The following FOXP2 variants were observed in gnomAD, a reference collection of about 807,000 sequenced individuals.
FOXP2 encodes the protein forkhead box protein P2.
A neutral mutation model predicts 115.8 loss-of-function variants in FOXP2; 12 were observed. That is an observed-to-expected ratio of 0.10 (90% CI 0.07 to 0.17). The LOEUF is 0.17. FOXP2 is among the 10% of genes least tolerant of loss of function. The probability of loss-of-function intolerance (pLI) is 1.00; values close to 1 mark genes in which losing one functional copy is unlikely to be tolerated. For missense variants in FOXP2, 629 were observed against 843.5 expected (o/e 0.75, Z 3.15); for synonymous variants, 328 against 297.7 (o/e 1.10, Z -1.05).
chr7:114,638,808 T>G (rs1805366466), intron 6 of FOXP2, among the ~76,000 whole-genome samples: 1 of 152,190 alleles, frequency 6.6e-6, no homozygotes, highest in Admixed American at 6.5e-5. Context: ...GAGGATCCAC[T>G]GCCGCTAAAA....
intron 2 of FOXP2, among the ~76,000 whole-genome samples, chr7:114,469,214 G>T (rs930000980): frequency 6.6e-5 from 10 of 151,948 alleles, no homozygotes; most frequent in Admixed American, 5.2e-4. Context: ...GAGTGTATGT[G>T]TACATATATA....
intron 1 of FOXP2, among the ~76,000 whole-genome samples, chr7:114,194,923 A>G (rs1375877034): frequency 6.6e-6 from 1 of 152,148 alleles, no homozygotes; most frequent in Non-Finnish European, 1.5e-5. Context: ...CTTTTGCAAA[A>G]TTGCTTTATG....
At chr7:114,303,148 CAATTTTG>C (rs1405532652) in intron 2 of FOXP2, among the ~76,000 whole-genome samples, 2 of 152,104 alleles carry the variant, frequency 1.3e-5, no homozygotes, top group Non-Finnish European at 2.9e-5. Context: ...GTAGCTAATA[CAATTTTG>C]AATCATTGAA....
intron 2 of FOXP2, among the ~76,000 whole-genome samples, chr7:114,437,348 G>T (rs932091692): frequency 1.3e-5 from 2 of 152,164 alleles, no homozygotes; most frequent in African/African-American, 4.8e-5. Flanking sequence ...GGCAGCAGGT[G>T]TTTCCCAAAG....
At chr7:114,587,843 T>A (rs1319076582) in intron 3 of FOXP2, among the ~76,000 whole-genome samples, 2 of 84,890 alleles carry the variant, frequency 2.4e-5, no homozygotes, top group African/African-American at 4.2e-5. Context: ...TTCTCAAAGT[T>A]CAAACAACTG....
At chr7:114,285,496 T>C (rs1194799610) in intron 1 of FOXP2, 1 of 152,132 alleles carries the variant, frequency 6.6e-6, no homozygotes, top group Non-Finnish European at 1.5e-5. Flanking sequence ...TAAGCTAATA[T>C]ATTTTACAGT....
intron 1 of FOXP2, among the ~76,000 whole-genome samples, chr7:114,252,313 A>G (rs576081747): frequency 5.3e-5 from 8 of 152,096 alleles, no homozygotes; most frequent in African/African-American, 1.9e-4. Flanking sequence ...TCATAAAATG[A>G]CTTAGGGAGG....
chr7:114,248,996 T>C (rs1795361178), intron 1 of FOXP2, among the ~76,000 whole-genome samples: 1 of 152,188 alleles, frequency 6.6e-6, no homozygotes, highest in Non-Finnish European at 1.5e-5. Context: ...TATCTTGTGT[T>C]CCAGATATTC....
chr7:114,442,720 C>A (rs747701752), intron 2 of FOXP2, among the ~76,000 whole-genome samples: 2 of 152,058 alleles, frequency 1.3e-5, no homozygotes, highest in Non-Finnish European at 2.9e-5. Flanking sequence ...TCTGGACCTC[C>A]CGAGTTGTTG....
At chr7:114,199,759 A>T (rs1276435122) in intron 1 of FOXP2, among the ~76,000 whole-genome samples, 3 of 152,260 alleles carry the variant, frequency 2.0e-5, no homozygotes, top group Non-Finnish European at 4.4e-5. Context: ...TAAGTTTAAT[A>T]AAAGTTTTAC....
intron 1 of FOXP2, among the ~76,000 whole-genome samples, chr7:114,418,332 C>T (rs1584710474): frequency 1.3e-5 from 2 of 151,850 alleles, no homozygotes. Flanking sequence ...TAAATCAGCC[C>T]TCCAACATAA....
intron 2 of FOXP2, among the ~76,000 whole-genome samples, chr7:114,399,854 T>C (rs61214761): frequency 0.019 from 2,897 of 151,524 alleles, 105 homozygotes; most frequent in African/African-American, 0.066. Flanking sequence ...ATTTTCTTTT[T>C]TTTTTTTTTT....
At chr7:114,485,089 C>T (rs1044458727) in intron 2 of FOXP2, among the ~76,000 whole-genome samples, 4 of 151,806 alleles carry the variant, frequency 2.6e-5, no homozygotes, top group African/African-American at 9.7e-5. Flanking sequence ...ATTTTGTTAA[C>T]ATTATAAAAT....
At chr7:114,098,248 G>A (rs1295835271) in intron 1 of FOXP2, among the ~76,000 whole-genome samples, 1 of 151,804 alleles carries the variant, frequency 6.6e-6, no homozygotes, top group East Asian at 1.9e-4. Context: ...ACATGAAGGA[G>A]GGAATCCTCA....
At chr7:114,511,389 C>T (rs1798065913) in intron 2 of FOXP2, among the ~76,000 whole-genome samples, 2 of 151,994 alleles carry the variant, frequency 1.3e-5, no homozygotes, top group South Asian at 2.1e-4. Context: ...TGACATTTCT[C>T]GATATCTCTT....
At chr7:114,293,955 A>G (rs918696074) in intron 2 of FOXP2, among the ~76,000 whole-genome samples, 2 of 152,204 alleles carry the variant, frequency 1.3e-5, no homozygotes, top group Non-Finnish European at 2.9e-5. Flanking sequence ...GATAATTAAT[A>G]CATTATATAA....
rs1327663622 is a variant in FOXP2 at position 114,333,332 on chromosome 7, C to T, written c.-11+45223C>T. Among the ~76,000 whole-genome samples the T allele has an allele frequency of 2.0e-5, 3 of 152,180 alleles. No homozygotes were observed. In the East Asian group the frequency reaches 5.8e-4, roughly 29 times the overall value. On this transcript the variant is annotated intron_variant, in intron 2 of 17. Transcript: ENST00000634411. ...TTTAGAACGAAAAAGCTTAATAAAC[C>T]ACATCTACTTTTACTTCTTTGCTAC... is the stretch of plus-strand genomic sequence containing the variant.
intron 1 of FOXP2, among the ~76,000 whole-genome samples, chr7:114,107,936 A>G (rs781098593): frequency 1.1e-4 from 16 of 151,974 alleles, no homozygotes; most frequent in Non-Finnish European, 2.1e-4. Context: ...TTTAAAGTCA[A>G]TATATGGTAA....
chr7:114,656,043 ATT>A (rs1754738578), intron 10 of FOXP2, among the ~76,000 whole-genome samples: 1 of 152,126 alleles, frequency 6.6e-6, no homozygotes, highest in Non-Finnish European at 1.5e-5. Flanking sequence ...TCAGTTTGTG[ATT>A]GTACGCCTAC....
Sources: allele counts gnomAD v4.1 joint callset (sites outside exome capture counted in the v4.1 genomes callset), GRCh38; gene constraint gnomAD v4.1.1; transcripts MANE v1.5; gene names NCBI Gene and HGNC (gene_info 2026-07-23, HGNC 2026-07-21).